DLGAP5: variants seen among roughly 807,000 people sequenced by gnomAD.
The protein encoded by DLGAP5 is DLG associated protein 5, also known as disks large-associated protein 5.
Under a neutral mutation model 99.6 loss-of-function variants are expected in DLGAP5, and 90 were observed. That is an observed-to-expected ratio of 0.90 (90% confidence interval 0.76 to 1.08). The LOEUF is 1.08. Ranked by LOEUF, DLGAP5 falls within the 50% of genes least tolerant of loss-of-function variation. The probability of loss-of-function intolerance (pLI) is 0.00; values close to 1 mark genes in which losing one functional copy is unlikely to be tolerated. For missense variants in DLGAP5, 1,036 were observed against 983.5 expected, an observed-to-expected ratio of 1.05 and a Z score of -0.71; for synonymous variants, 311 against 321.3, an observed-to-expected ratio of 0.97 and a Z score of 0.34.
chr14:55,169,922 G>A (rs1291754734), intron 11 of DLGAP5, among the ~76,000 whole-genome samples: 1 of 152,122 alleles, frequency 6.6e-6, no homozygotes, highest in African/African-American at 2.4e-5. Context: ...CTCACCTGAG[G>A]TCAGGAGTTC....
chr14:55,175,733 C>T (rs563039128), intron 9 of DLGAP5, among the ~76,000 whole-genome samples, 161 bp downstream of exon 9: 2 of 152,044 alleles, frequency 1.3e-5, no homozygotes, highest in African/African-American at 4.8e-5. Flanking sequence ...CTTTTCTGAC[C>T]CTGAGTTCAC....
chr14:55,164,936 AAG>A (rs1491362856), intron 12 of DLGAP5, among the ~76,000 whole-genome samples: 1 of 137,978 alleles, frequency 7.2e-6, no homozygotes, highest in Non-Finnish European at 1.5e-5. Context: ...AAAAAAAAAA[AAG>A]AGAAATTTGA....
chr14:55,183,482 AG>A, intron 3 of DLGAP5, 77 bp downstream of exon 3: 1 of 1,214,772 alleles, frequency 8.2e-7, no homozygotes. Flanking sequence ...ACTAAGGGAA[AG>A]GGGTTAGTCA....
chr14:55,186,037 G>A (rs1478793218), intron 2 of DLGAP5, among the ~76,000 whole-genome samples: 1 of 152,194 alleles, frequency 6.6e-6, no homozygotes, highest in East Asian at 1.9e-4. Context: ...TTGGGAGACT[G>A]AGGTGGGCGG....
intron 18 of DLGAP5, 97 bp downstream of exon 18, chr14:55,150,702 A>G (rs142439379): frequency 1.1e-6 from 1 of 930,222 alleles, no homozygotes; most frequent in East Asian, 3.0e-5. Context: ...CAATGACAAG[A>G]TATACATTTT....
intron 3 of DLGAP5, among the ~76,000 whole-genome samples, chr14:55,182,976 C>G (rs908352579): frequency 6.6e-6 from 1 of 152,130 alleles, no homozygotes; most frequent in Non-Finnish European, 1.5e-5. Context: ...TTAACATGCA[C>G]CCACTTAAGC....
intron 15 of DLGAP5, among the ~76,000 whole-genome samples, chr14:55,154,193 A>C (rs1882121139): frequency 6.6e-6 from 1 of 152,142 alleles, no homozygotes; most frequent in Non-Finnish European, 1.5e-5. Flanking sequence ...AGCCTGGTAA[A>C]AAGTGTCCAT....
At chr14:55,171,679 T>C (rs115885957) in intron 10 of DLGAP5, among the ~76,000 whole-genome samples, 4,053 of 152,308 alleles carry the variant, frequency 0.027, 175 homozygotes, top group African/African-American at 0.093. Flanking sequence ...CCCATGTTCA[T>C]AGCTGTTCAC....
chr14:55,186,541 CT>C (rs1315034790), intron 2 of DLGAP5, among the ~76,000 whole-genome samples: 1 of 152,204 alleles, frequency 6.6e-6, no homozygotes, highest in Admixed American at 6.5e-5. Flanking sequence ...CATTGTCTTA[CT>C]GACAAAAGGT....
rs957864569 is a variant in DLGAP5, at chr14:55,169,702, T to A, written c.1388-143A>T. ...ACAAAAAATATCTACCACAAAACTTTGTCATACAAATACTGAGTACTAACT... is the reference window on the plus strand; with the variant it reads ...ACAAAAAATATCTACCACAAAACTTAGTCATACAAATACTGAGTACTAACT... On this transcript the variant is annotated intron_variant, in intron 11 of 18. Coordinates refer to ENST00000247191, the MANE Select transcript of DLGAP5 (RefSeq NM_014750.5). 4.7e-6 allele frequency: 3 copies of A among 631,864 alleles called. No individual in the cohort carries two copies. The African/African-American group carries it at 5.6e-5, about 12-fold the overall frequency. 39.1% of individuals were successfully genotyped at this position (631,864 alleles called of 1,614,324 possible).
chr14:55,190,064 A>C (rs1397942941), intron 1 of DLGAP5, among the ~76,000 whole-genome samples: 1 of 152,234 alleles, frequency 6.6e-6, no homozygotes, highest in Non-Finnish European at 1.5e-5. Flanking sequence ...TGTTTGCCAG[A>C]AAACAGAACA....
In DLGAP5 at chr14:55,158,720, C is replaced by G. The variant is rs1048024748; in HGVS notation, c.1675G>C (p.Ala559Pro). 2 of 1,613,756 alleles carry G rather than the reference C, an allele frequency of 1.2e-6. No individual in the cohort carries two copies. Among genetic ancestry groups the G allele is most frequent in the African/African-American group, 2.7e-5 (2 of 74,894 alleles). Residue 559 changes from alanine (A) to proline (P), a missense_variant, in exon 14 of 19, where the codon GCA becomes CCA. Physicochemically the swap from Ala to Pro is conservative, Grantham distance 27. Transcript: ENST00000247191. The stretch of plus-strand genomic sequence containing the variant: ...GCATCATCCTGTTTTGGTTTACTTG[C>G]TATACCTGAGACAACTTTTTTCTGC... ...VFRKKVVSGIASKPKQDDAGR... is the reference protein window; with the variant it reads ...VFRKKVVSGIPSKPKQDDAGR...
chr14:55,184,022 G>A (rs373902186), intron 2 of DLGAP5, among the ~76,000 whole-genome samples: 48 of 152,104 alleles, frequency 3.2e-4, no homozygotes, highest in African/African-American at 9.6e-4. Context: ...GTGTGGTGGC[G>A]GTCACCTGTA....
At chr14:55,162,618 C>A (rs1016682526) in intron 13 of DLGAP5, among the ~76,000 whole-genome samples, 48 of 138,954 alleles carry the variant, frequency 3.5e-4, no homozygotes, top group African/African-American at 5.3e-4. Context: ...GATTCCATCT[C>A]AAAAAAAAAA....
chr14:55,170,909 A>G (rs1407837555), intron 10 of DLGAP5, 122 bp from the exon 11 acceptor site: 2 of 654,970 alleles, frequency 3.1e-6, no homozygotes, highest in African/African-American at 3.6e-5. Flanking sequence ...TATTTTCCCA[A>G]AGTTGATACT....
intron 2 of DLGAP5, among the ~76,000 whole-genome samples, chr14:55,185,216 T>C (rs1276354593): frequency 1.3e-5 from 2 of 152,216 alleles, no homozygotes; most frequent in Non-Finnish European, 2.9e-5. Context: ...ATTTATTTAT[T>C]TGAGGCAGAG....
Position 55,148,169 on chromosome 14 carries a change from C to A in DLGAP5, c.*182G>T, listed in dbSNP as rs548818557. 6 of 636,502 alleles carry A rather than the reference C, an allele frequency of 9.4e-6. No individual in the cohort carries two copies. In the South Asian group the frequency reaches 1.4e-4, roughly 15 times the overall value. 39.4% of individuals were successfully genotyped at this position (636,502 alleles called of 1,614,324 possible). On this transcript the variant is annotated 3_prime_UTR_variant, in exon 19 of 19. Transcript: ENST00000247191. ...TTTTTTATTCTGTGTTGAAAATGTA[C>A]AAAATATCCCCACTTCCCTTGAGAA...
In DLGAP5 at chr14:55,181,230, G is replaced by C; in HGVS notation, c.563C>G (p.Ser188Ter). 6.2e-7 allele frequency: 1 copy of C among 1,613,820 alleles called. No individual in the cohort carries two copies. Among genetic ancestry groups the C allele is most frequent in the Non-Finnish European group, 8.5e-7 (1 of 1,179,888 alleles). ...GPRQTSEKKV[S>*]DKEKKVVQPV... The stretch of plus-strand genomic sequence containing the variant: ...ATTCCTACCTTTTTTCTCTTTGTCT[G>C]ACACTTTCTTTTCAGAAGTTTGTCT... The change falls in exon 5 of 19, where the codon TCA (serine) becomes TGA (stop). Residue 188 changes from serine to a stop codon, truncating the protein, a stop_gained. Coordinates refer to ENST00000247191, the MANE Select transcript of DLGAP5 (RefSeq NM_014750.5). LOFTEE classifies it high-confidence loss of function.
At chr14:55,150,903 T>C in intron 17 of DLGAP5, 55 bp from the exon 18 acceptor site, 1 of 1,204,596 alleles carries the variant, frequency 8.3e-7, no homozygotes, top group Non-Finnish European at 1.2e-6. Context: ...TCGAGGGCTG[T>C]TAGAAATGGA....
Sources: allele counts gnomAD v4.1 joint callset (sites outside exome capture counted in the v4.1 genomes callset), GRCh38; gene constraint gnomAD v4.1.1; transcripts MANE v1.5; gene names NCBI Gene and HGNC (gene_info 2026-07-23, HGNC 2026-07-21).